Variants in DNAH9 observed in about 807,000 individuals in gnomAD.
DNAH9 encodes DNAH9 variant protein.
A neutral mutation model predicts 471.6 loss-of-function variants in DNAH9; 345 were observed. The observed-to-expected ratio is 0.73, with a 90% CI of 0.67 to 0.80. DNAH9 has a LOEUF of 0.80. DNAH9 is among the 30% of genes least tolerant of loss of function. The probability of loss-of-function intolerance (pLI) is 0.00; values close to 1 mark genes in which losing one functional copy is unlikely to be tolerated. For missense variants in DNAH9, 5,407 were observed against 5,609.2 expected (o/e 0.96, Z 1.15); for synonymous variants, 2,093 against 2,123.6 (o/e 0.99, Z 0.40).
rs145095382 is a variant in DNAH9 at position 11,604,092 on chromosome 17, C to T, written c.418-4037C>T. Among the ~76,000 whole-genome samples the T allele has an allele frequency of 5.9e-4, 90 of 151,772 alleles. 1 individual carries two copies. In the East Asian group the frequency reaches 0.015, roughly 25 times the overall value. ...GGCTGGAGTGCAGTGGCATGATCTC[C>T]GCTTGCTGCAACCTCCGCCTCCTGG... On this transcript the variant is annotated intron_variant, in intron 1 of 68. Transcript: ENST00000262442.
intron 38 of DNAH9, among the ~76,000 whole-genome samples, chr17:11,780,254 G>C (rs1353012309): frequency 1.3e-5 from 2 of 152,218 alleles, no homozygotes; most frequent in Admixed American, 1.3e-4. Flanking sequence ...CCTGAGAGCT[G>C]GGGAGGGCAC....
In DNAH9 at chr17:11,932,148, T is replaced by C; in HGVS notation, c.12240T>C (p.Thr4080=). The C allele has an allele frequency of 6.2e-7, 1 of 1,614,104 alleles. No homozygotes were observed. The highest frequency in any genetic ancestry group is 8.5e-7 in the Non-Finnish European group (1 of 1,180,038). Residue 4080 remains threonine, a synonymous_variant, in exon 64 of 69, where the codon ACT becomes ACC. Transcript: ENST00000262442. The surrounding 1 kb of genome is among the most constrained non-coding windows in gnomAD (Gnocchi z 4.3). The stretch of plus-strand genomic sequence containing the variant: ...GGAATCGCTCATACCCCTTTAACAC[T>C]GGAGACCTCACTATCTCTGTGAATG... The part of the protein sequence containing the change: ...QGWNRSYPFN[T]GDLTISVNVL...
chr17:11,848,111 A>G (rs886654208), intron 49 of DNAH9, among the ~76,000 whole-genome samples: 41 of 152,124 alleles, frequency 2.7e-4, no homozygotes, highest in Admixed American at 2.2e-3. Context: ...GGTCTCTTCA[A>G]TCTACACTTT....
rs59748847 is a variant in DNAH9 at position 11,605,674 on chromosome 17, A to ATTTTTT, written c.418-2449_418-2444dup. 5.0e-4 allele frequency among the ~76,000 whole-genome samples: 73 copies of ATTTTTT among 145,044 alleles called. 1 individual carries two copies. Among genetic ancestry groups the ATTTTTT allele is most frequent in the Admixed American group, 6.8e-4 (10 of 14,634 alleles). On this transcript the variant is annotated intron_variant, in intron 1 of 68. Coordinates refer to ENST00000262442, the MANE Select transcript of DNAH9 (RefSeq NM_001372.4). ...GCCACTACAACCGGGCAATTTTTCT[A>ATTTTTT]TTTTTTTTTTTGTACAGATGAGGTC...
intron 4 of DNAH9, among the ~76,000 whole-genome samples, chr17:11,616,290 G>A (rs767504427): frequency 7.9e-5 from 12 of 152,052 alleles, no homozygotes; most frequent in Non-Finnish European, 1.3e-4. Flanking sequence ...AACAATTCCC[G>A]GCATATTGAA....
In DNAH9 at chr17:11,640,318, G is replaced by A. The variant is rs372744886; in HGVS notation, c.1835G>A (p.Arg612His). Reference protein sequence around the residue: ...KNMPTVAGGLRWAQELRQRIQ... With the variant: ...KNMPTVAGGLHWAQELRQRIQ... The stretch of plus-strand genomic sequence containing the variant: ...ATGCCCACCGTGGCTGGCGGCCTCC[G>A]CTGGGCACAGGAGCTGAGGCAGCGC... The change falls in exon 10 of 69, where the codon CGC (arginine) becomes CAC (histidine). Residue 612 changes from arginine (R) to histidine (H), a missense_variant. Coordinates refer to ENST00000262442, the MANE Select transcript of DNAH9 (RefSeq NM_001372.4). 1.5e-5 allele frequency: 24 copies of A among 1,613,868 alleles called. No individual in the cohort carries two copies. Among genetic ancestry groups the A allele is most frequent in the Admixed American group, 3.3e-5 (2 of 59,986 alleles).
intron 31 of DNAH9, among the ~76,000 whole-genome samples, chr17:11,746,199 G>A (rs2075521372): frequency 6.6e-6 from 1 of 152,152 alleles, no homozygotes; most frequent in South Asian, 2.1e-4. Flanking sequence ...CAGGAAAGAG[G>A]TTTAATTAAC....
At chr17:11,883,438 G>T (rs561212171) in intron 55 of DNAH9, 148 bp from the exon 56 acceptor site, 93 of 1,154,086 alleles carry the variant, frequency 8.1e-5, no homozygotes, top group Non-Finnish European at 1.1e-4. Flanking sequence ...TTGACTCCTT[G>T]TCTCCTGCTC....
At chr17:11,686,291 G>A (rs2074241019) in intron 19 of DNAH9, among the ~76,000 whole-genome samples, 1 of 152,162 alleles carries the variant, frequency 6.6e-6, no homozygotes, top group Non-Finnish European at 1.5e-5. Context: ...TCAAATGCAT[G>A]AGCGCCGTAT....
intron 61 of DNAH9, among the ~76,000 whole-genome samples, chr17:11,913,122 T>G (rs1229470158): frequency 6.6e-6 from 1 of 152,202 alleles, no homozygotes; most frequent in East Asian, 1.9e-4. Flanking sequence ...GAGCCAAGGT[T>G]ACACCACTGC....
At chr17:11,611,853 TG>T (rs1156678630) in intron 4 of DNAH9, 73 bp downstream of exon 4, 1 of 1,489,906 alleles carries the variant, frequency 6.7e-7, no homozygotes, top group Non-Finnish European at 9.4e-7. Flanking sequence ...CACCTCTCTC[TG>T]TCTGAATTCC....
intron 28 of DNAH9, among the ~76,000 whole-genome samples, chr17:11,738,293 C>G (rs2075380043): frequency 1.3e-5 from 2 of 152,206 alleles, no homozygotes; most frequent in Non-Finnish European, 2.9e-5. Context: ...AGAGAGAACC[C>G]ACATTCAGGG....
intron 53 of DNAH9, among the ~76,000 whole-genome samples, chr17:11,878,736 G>A (rs144414590): frequency 1.3e-5 from 2 of 152,012 alleles, no homozygotes; most frequent in African/African-American, 4.8e-5. Flanking sequence ...TTGGATTTTT[G>A]TAGAGAGGGT....
At position 11,854,237 on chromosome 17, in the gene DNAH9, C is replaced by G. The variant is rs748044351; in HGVS notation, c.9742C>G (p.Pro3248Ala). 3.1e-6 allele frequency: 5 copies of G among 1,614,074 alleles called. No homozygotes were observed. Among genetic ancestry groups the G allele is most frequent in the East Asian group, 2.2e-5 (1 of 44,892 alleles). ...AGCCATCAGGCCGTATCTGCAAGAC[C>G]CCGAGTTCAATCCTGAGTTTGTGGC... Reference protein sequence around the residue: ...LKAIRPYLQDPEFNPEFVATK... With the variant: ...LKAIRPYLQDAEFNPEFVATK... Residue 3248 changes from proline (P) to alanine (A), a missense_variant, in exon 50 of 69, where the codon CCC (proline) becomes GCC (alanine). By Grantham distance (27) the Pro-to-Ala change is conservative (BLOSUM62 -1). Around this residue, in one of 3 missense-constraint regions of DNAH9, gnomAD observed 4,636 missense variants for 4,900.3 expected, o/e 0.95. Coordinates refer to ENST00000262442, the MANE Select transcript of DNAH9 (RefSeq NM_001372.4).
At chr17:11,803,458 C>T (rs1239883683) in intron 43 of DNAH9, among the ~76,000 whole-genome samples, 1 of 152,186 alleles carries the variant, frequency 6.6e-6, no homozygotes, top group Non-Finnish European at 1.5e-5. Flanking sequence ...TCCAGCTGTG[C>T]GATGGTGCAT....
chr17:11,770,445 G>T (rs957508883), intron 38 of DNAH9, among the ~76,000 whole-genome samples: 1 of 140,630 alleles, frequency 7.1e-6, no homozygotes, highest in Non-Finnish European at 1.5e-5. Flanking sequence ...AAATGCTGAT[G>T]GGGGGGAGCA....
intron 9 of DNAH9, among the ~76,000 whole-genome samples, chr17:11,637,009 G>A (rs1234549221): frequency 3.9e-5 from 6 of 152,316 alleles, no homozygotes; most frequent in South Asian, 2.1e-4. Context: ...CTGACCCAGC[G>A]TGGTACAGTC....
chr17:11,905,625 A>G (rs1272842660), intron 60 of DNAH9, 36 bp from the exon 61 acceptor site: 10 of 1,602,124 alleles, frequency 6.2e-6, no homozygotes, highest in East Asian at 2.2e-5. Flanking sequence ...TGGCTGCTAT[A>G]TATGTATAAA....
At chr17:11,810,179 A>G (rs1969842199) in intron 44 of DNAH9, 67 bp from the exon 45 acceptor site, 2 of 1,518,788 alleles carry the variant, frequency 1.3e-6, no homozygotes, top group Non-Finnish European at 1.8e-6. Context: ...TTTCTAAAGA[A>G]TGGGTTGGAG....
Sources: allele counts gnomAD v4.1 joint callset (sites outside exome capture counted in the v4.1 genomes callset), GRCh38; gene constraint gnomAD v4.1.1; regional missense constraint gnomAD v4.1.1; non-coding constraint Gnocchi (gnomAD v3.1); transcripts MANE v1.5; gene names NCBI Gene and HGNC (gene_info 2026-07-23, HGNC 2026-07-21).